The following TUSC3 variants were observed in gnomAD, a reference collection of about 807,000 sequenced individuals.
TUSC3 encodes the protein tumor suppressor candidate 3.
In TUSC3, 45 loss-of-function variants were observed where a neutral mutation model predicts 44.8. That is an observed-to-expected ratio of 1.00 (90% CI 0.79 to 1.29). The LOEUF is 1.29. Among genes scored for constraint, TUSC3 ranks in the 50% most tolerant of loss-of-function variants. TUSC3 has a pLI of 0.00. For synonymous variants in TUSC3, 212 were observed against 152.9 expected (o/e 1.39, Z -2.85); for missense variants, 519 against 437.9 (o/e 1.19, Z -1.65).
chr8:15,838,965 C>G, the TUSC3 span, among the ~76,000 whole-genome samples: 1 of 152,096 alleles, frequency 6.6e-6, no homozygotes, highest in Non-Finnish European at 1.5e-5. Context: ...GCCATTTTCA[C>G]GATATTGATT....
intron 1 of TUSC3, among the ~76,000 whole-genome samples, chr8:15,542,459 G>A (rs1176472948): frequency 1.3e-5 from 2 of 151,932 alleles, no homozygotes; most frequent in Non-Finnish European, 2.9e-5. Context: ...CGCCTGAAGT[G>A]GTTTTTCAGG....
chr8:15,476,625 A>C (rs1159038030), intron 1 of TUSC3, among the ~76,000 whole-genome samples: 1 of 152,172 alleles, frequency 6.6e-6, no homozygotes, highest in African/African-American at 2.4e-5. Flanking sequence ...GAATTGGACC[A>C]AATGCACAAA....
chr8:15,582,828 A>G (rs1037858260), intron 1 of TUSC3, among the ~76,000 whole-genome samples: 4 of 152,218 alleles, frequency 2.6e-5, no homozygotes, highest in Admixed American at 6.5e-5. Context: ...ACTTTACTAG[A>G]GCCAGTGACC....
At chr8:15,521,817 G>T (rs1032137337) in intron 2 of TUSC3, among the ~76,000 whole-genome samples, 3 of 152,042 alleles carry the variant, frequency 2.0e-5, no homozygotes, top group African/African-American at 4.8e-5. Context: ...TTTCACTATT[G>T]GTCAAGGGTA....
At chr8:15,586,998 C>T (rs1034810921) in intron 1 of TUSC3, among the ~76,000 whole-genome samples, 6 of 152,188 alleles carry the variant, frequency 3.9e-5, no homozygotes, top group Admixed American at 3.9e-4. Context: ...GGGGATTACA[C>T]TTTGAAAACC....
the TUSC3 span, among the ~76,000 whole-genome samples, chr8:15,830,166 A>T: frequency 0.1 from 15,818 of 151,690 alleles, 944 homozygotes; most frequent in East Asian, 0.25. Flanking sequence ...TCCTGTTGTT[A>T]GAGTTCTTCG....
At chr8:15,673,688 A>C in intron 5 of TUSC3, 59 bp from the exon 6 acceptor site, 3 of 1,315,860 alleles carry the variant, frequency 2.3e-6, no homozygotes. Context: ...GTCTTTTAGA[A>C]ATGCATTATT....
chr8:15,682,019 C>T (rs1211058743), intron 6 of TUSC3, among the ~76,000 whole-genome samples: 1 of 152,050 alleles, frequency 6.6e-6, no homozygotes, highest in Non-Finnish European at 1.5e-5. Flanking sequence ...CCACTGTGAT[C>T]TGAGAATATG....
intron 1 of TUSC3, among the ~76,000 whole-genome samples, chr8:15,547,334 C>T (rs543988445): frequency 3.3e-5 from 5 of 151,548 alleles, no homozygotes; most frequent in African/African-American, 4.8e-5. Context: ...TATTTTGGTA[C>T]GGAGTTTTCT....
chr8:15,498,048 C>A (rs1159667060), intron 2 of TUSC3, among the ~76,000 whole-genome samples: 2 of 152,116 alleles, frequency 1.3e-5, no homozygotes, highest in Non-Finnish European at 2.9e-5. Context: ...CTGTGCCCGG[C>A]TCTGTTTTTG....
rs149038728 is a variant in TUSC3 at position 15,424,592 on chromosome 8, C to T, written n.91+7287C>T. Among the ~76,000 whole-genome samples the T allele has an allele frequency of 3.0e-4, 46 of 152,234 alleles. 1 individual carries two copies. In the East Asian group the frequency reaches 7.0e-3, roughly 23 times the overall value. ...CGGATGTTAAAGTTGATTAAAAAAT[C>T]GTTAGTGGCTGGATGCGGTGGCTTA... is the stretch of plus-strand genomic sequence containing the variant. On this transcript the variant is annotated intron_variant and non_coding_transcript_variant, in intron 1 of 5. Transcript: ENST00000503191.
the TUSC3 span, chr8:15,807,411 G>T: frequency 4.3e-6 from 1 of 234,266 alleles, no homozygotes; most frequent in Non-Finnish European, 8.2e-6. Flanking sequence ...CACTGTTGGT[G>T]GGAATGTAAA....
intron 6 of TUSC3, among the ~76,000 whole-genome samples, chr8:15,694,298 C>A (rs1226374148): frequency 6.6e-6 from 1 of 151,870 alleles, no homozygotes; most frequent in Non-Finnish European, 1.5e-5. Context: ...CAAAATTAGC[C>A]AAGCATGGTG....
At chr8:15,771,187 C>T (rs1347772244), downstream of TUSC3, among the ~76,000 whole-genome samples, 2 of 152,074 alleles carry the variant, frequency 1.3e-5, no homozygotes, top group Non-Finnish European at 2.9e-5. Context: ...GTAGTACCTT[C>T]CCAGAAAAAA....
At chr8:15,694,417 C>A (rs1286374676) in intron 6 of TUSC3, among the ~76,000 whole-genome samples, 2 of 100,890 alleles carry the variant, frequency 2.0e-5, no homozygotes, top group African/African-American at 4.2e-5. Context: ...GCGTGAGCAA[C>A]AAGACGGAAA....
intron 1 of TUSC3, among the ~76,000 whole-genome samples, chr8:15,457,199 G>GA (rs1800268305): frequency 6.6e-6 from 1 of 151,368 alleles, no homozygotes; most frequent in Non-Finnish European, 1.5e-5. Flanking sequence ...GTTAGCATTA[G>GA]GAGATACACC....
intron 1 of TUSC3, among the ~76,000 whole-genome samples, chr8:15,458,269 T>TA (rs1477816406): frequency 6.6e-6 from 1 of 152,156 alleles, no homozygotes; most frequent in Non-Finnish European, 1.5e-5. Context: ...GACAAGGTCT[T>TA]ACTCTGTGGC....
At chr8:15,658,589 A>AT (rs1355569545) in intron 3 of TUSC3, among the ~76,000 whole-genome samples, 3 of 151,612 alleles carry the variant, frequency 2.0e-5, no homozygotes, top group African/African-American at 7.3e-5. Flanking sequence ...ACTTTTTTTT[A>AT]TAATTCCTGG....
In TUSC3 at chr8:15,483,893, G is replaced by A. The variant is rs193142425; in HGVS notation, n.189+410G>A. On this transcript the variant is annotated intron_variant and non_coding_transcript_variant, in intron 2 of 5. Transcript: ENST00000503191. ...AGGGTGGTCTCGATCTCCTGACCTC[G>A]TGATCCACCCACCTTGGCCTCCCAA... Among the ~76,000 whole-genome samples, 434 of 151,236 alleles carry A rather than the reference G, an allele frequency of 2.9e-3. 1 individual carries two copies. Among genetic ancestry groups the A allele is most frequent in the Admixed American group, 8.0e-3 (121 of 15,164 alleles).
Sources: gnomAD v4.1 joint callset for allele counts (sites outside exome capture counted in the v4.1 genomes callset) on GRCh38, gnomAD v4.1.1 for gene constraint, MANE v1.5 for transcripts, NCBI Gene and HGNC (gene_info 2026-07-23, HGNC 2026-07-21) for gene names.